Variants in STK3 observed in about 807,000 individuals in gnomAD.
The protein encoded by STK3 is serine/threonine-protein kinase 3.
Under a neutral mutation model 58.0 loss-of-function variants are expected in STK3, and 41 were observed. The observed-to-expected ratio is 0.71, with a 90% CI of 0.55 to 0.92. The LOEUF (loss-of-function observed/expected upper bound fraction) is 0.92, where lower values mean the gene tolerates loss of function less well. Among genes scored for constraint, STK3 ranks in the 40% least tolerant of loss-of-function variants. STK3 has a pLI of 0.00. For synonymous variants in STK3, 170 were observed against 191.0 expected, an observed-to-expected ratio of 0.89 and a Z score of 0.91; for missense variants, 479 against 602.7, an observed-to-expected ratio of 0.79 and a Z score of 2.15.
chr8:98,422,131 C>T (rs1478098007), intron 3 of STK3, among the ~76,000 whole-genome samples: 2 of 152,150 alleles, frequency 1.3e-5, no homozygotes, highest in East Asian at 1.9e-4. Flanking sequence ...GCAGATAAAG[C>T]CAAATGGCCC....
chr8:98,715,685 G>A (rs1369196666), intron 4 of STK3, among the ~76,000 whole-genome samples: 2 of 152,200 alleles, frequency 1.3e-5, no homozygotes, highest in East Asian at 3.8e-4. Context: ...CTGTTGATGG[G>A]ACTGTAAACT....
chr8:98,493,810 C>A (rs1822901321), intron 10 of STK3, among the ~76,000 whole-genome samples: 1 of 152,120 alleles, frequency 6.6e-6, no homozygotes, highest in Non-Finnish European at 1.5e-5. Flanking sequence ...CATATTCCAC[C>A]TTAAAAAGTC....
In STK3 at chr8:98,548,109, A is replaced by C. The variant is rs1247462781; in HGVS notation, c.1001T>G (p.Val334Gly). 1.2e-6 allele frequency: 2 copies of C among 1,602,306 alleles called. No homozygotes were observed. The highest frequency in any genetic ancestry group is 2.7e-5 in the African/African-American group (2 of 74,340). Residue 334 changes from valine (V) to glycine (G), a missense_variant, in exon 9 of 11, where the codon GTG becomes GGG. By Grantham distance (109) the Val-to-Gly change is moderately radical (BLOSUM62 -3). Around this residue, in one of 3 missense-constraint regions of STK3, gnomAD observed 309 missense variants for 355.7 expected, o/e 0.87. Coordinates refer to ENST00000419617, the MANE Select transcript of STK3 (RefSeq NM_006281.4). ...HTMVKTSVES[V>G]GTMRATSTMS... is the part of the protein sequence containing the mutation. ...CGTGCTTGTGGCCCGCATGGTGCCC[A>C]CACTCTCCACACTAGTCTTCACCAT... is the stretch of plus-strand genomic sequence containing the variant.
At chr8:98,519,509 T>A (rs995861053) in intron 10 of STK3, among the ~76,000 whole-genome samples, 1 of 151,056 alleles carries the variant, frequency 6.6e-6, no homozygotes, top group African/African-American at 2.4e-5. Context: ...AAGTGAAGAT[T>A]CCTAAAATGT....
At chr8:98,504,461 G>T (rs1186024678) in intron 10 of STK3, among the ~76,000 whole-genome samples, 1 of 152,196 alleles carries the variant, frequency 6.6e-6, no homozygotes. Context: ...TTGCCCGTTA[G>T]TTGATGCAGT....
At chr8:98,401,974 T>C (rs1817948022) in intron 3 of STK3, among the ~76,000 whole-genome samples, 1 of 152,052 alleles carries the variant, frequency 6.6e-6, no homozygotes, top group African/African-American at 2.4e-5. Context: ...AAGTAAAAAT[T>C]ACCCCCAAAT....
intron 8 of STK3, among the ~76,000 whole-genome samples, chr8:98,570,463 TA>T (rs1164816960): frequency 6.6e-6 from 1 of 152,080 alleles, no homozygotes; most frequent in Non-Finnish European, 1.5e-5. Context: ...TTTTTAATTT[TA>T]AAACTAGATT....
intron 3 of STK3, among the ~76,000 whole-genome samples, chr8:98,835,620 T>C (rs558103654): frequency 4.6e-5 from 7 of 152,342 alleles, no homozygotes; most frequent in African/African-American, 1.7e-4. Context: ...AGTGCCCGCA[T>C]TGAGACACCT....
At chr8:98,633,210 G>C (rs920838909) in intron 6 of STK3, among the ~76,000 whole-genome samples, 2 of 152,120 alleles carry the variant, frequency 1.3e-5, no homozygotes. Flanking sequence ...GTAACACTTA[G>C]AAGAAGGCAG....
intron 1 of STK3, among the ~76,000 whole-genome samples, chr8:98,803,593 C>CAAAA (rs34316563): frequency 2.8e-4 from 11 of 38,736 alleles, no homozygotes; most frequent in Non-Finnish European, 3.6e-4. Context: ...GACTCTGTTT[C>CAAAA]AAAAAAAAAA....
chr8:98,903,378 A>G (rs1375609788), intron 1 of STK3, among the ~76,000 whole-genome samples: 1 of 152,096 alleles, frequency 6.6e-6, no homozygotes, highest in Non-Finnish European at 1.5e-5. Flanking sequence ...TTTTTTTTCT[A>G]ATGAATCCCA....
At chr8:98,809,525 C>T (rs1024091393) in intron 1 of STK3, among the ~76,000 whole-genome samples, 9 of 152,310 alleles carry the variant, frequency 5.9e-5, no homozygotes, top group Admixed American at 3.9e-4. Flanking sequence ...CCCATAGTCC[C>T]GTGTAACCAC....
chr8:98,633,629 A>C (rs1369537528), intron 6 of STK3: 1 of 733,186 alleles, frequency 1.4e-6, no homozygotes, highest in Non-Finnish European at 2.5e-6. Context: ...TTGGTGTTAC[A>C]GCAGTGGCGT....
At chr8:98,915,027 G>C (rs894689733) in intron 1 of STK3, among the ~76,000 whole-genome samples, 5 of 152,182 alleles carry the variant, frequency 3.3e-5, no homozygotes, top group Non-Finnish European at 5.9e-5. Flanking sequence ...TTCTCTAAAA[G>C]TGTAGATTAG....
At chr8:98,648,887 T>C (rs991719231) in intron 6 of STK3, among the ~76,000 whole-genome samples, 1 of 145,950 alleles carries the variant, frequency 6.9e-6, no homozygotes, top group East Asian at 2.0e-4. Context: ...CAAGACTCCG[T>C]CTCAAAAAAA....
intron 3 of STK3, among the ~76,000 whole-genome samples, chr8:98,869,138 A>C (rs1450995638): frequency 6.6e-6 from 1 of 152,014 alleles, no homozygotes; most frequent in Non-Finnish European, 1.5e-5. Flanking sequence ...TAAGAATCTC[A>C]CGCTGGGTCT....
rs145234515 is a variant in STK3 at position 98,681,935 on chromosome 8, C to A, written c.684+24532G>T. Among the ~76,000 whole-genome samples the A allele has an allele frequency of 6.8e-3, 1,035 of 152,342 alleles. 8 individuals carry two copies. The highest frequency in any genetic ancestry group is 0.023 in the African/African-American group (971 of 41,572). The stretch of plus-strand genomic sequence containing the variant: ...GAAATGGCCTACTAGCAGTGTATTA[C>A]CTTTGTGGCAGTGCCAACGGGCCTA... On this transcript the variant is annotated intron_variant, in intron 6 of 10. Transcript: ENST00000419617.
At chr8:98,370,148 AG>A (rs1364806236), downstream of STK3, among the ~76,000 whole-genome samples, 1 of 148,528 alleles carries the variant, frequency 6.7e-6, no homozygotes, top group Admixed American at 6.7e-5. Context: ...TTTGTCTCTA[AG>A]GCCCATCAAG....
downstream of STK3, among the ~76,000 whole-genome samples, chr8:98,368,774 C>T (rs1448616140): frequency 2.0e-5 from 3 of 152,164 alleles, no homozygotes. Flanking sequence ...ATCTTGGAGG[C>T]AGCAGACCTG....
Sources: gnomAD v4.1 joint callset for allele counts (sites outside exome capture counted in the v4.1 genomes callset) on GRCh38, gnomAD v4.1.1 for gene constraint, gnomAD v4.1.1 regional missense constraint, MANE v1.5 for transcripts, NCBI Gene and HGNC (gene_info 2026-07-23, HGNC 2026-07-21) for gene names.